The following MTUS2 variants were observed in gnomAD, a reference collection of about 807,000 sequenced individuals.
MTUS2 encodes microtubule-associated tumor suppressor candidate 2.
Under a neutral mutation model 114.1 loss-of-function variants are expected in MTUS2, and 40 were observed. The observed-to-expected ratio is 0.35, with a 90% CI of 0.27 to 0.46. MTUS2 has a LOEUF of 0.46. Ranked by LOEUF, MTUS2 falls within the 20% of genes least tolerant of loss-of-function variation. The pLI is 1.00. For synonymous variants in MTUS2, 688 were observed against 672.0 expected, an observed-to-expected ratio of 1.02 and a Z score of -0.37; for missense variants, 1,679 against 1,705.4, an observed-to-expected ratio of 0.98 and a Z score of 0.27.
chr13:28,887,005 G>A (rs61278186), intron 2 of MTUS2, among the ~76,000 whole-genome samples: 3,445 of 152,296 alleles, frequency 0.023, 128 homozygotes, highest in African/African-American at 0.077. Context: ...AAGGTACAGA[G>A]CTAGTGCAAG....
chr13:29,146,871 A>G (rs912483000), intron 5 of MTUS2, among the ~76,000 whole-genome samples: 1 of 152,218 alleles, frequency 6.6e-6, no homozygotes, highest in African/African-American at 2.4e-5. Flanking sequence ...AGTGCCTAGG[A>G]TGGCACAGGA....
chr13:29,015,879 C>CTT (rs199674457), intron 2 of MTUS2, among the ~76,000 whole-genome samples: 2 of 151,794 alleles, frequency 1.3e-5, no homozygotes, highest in African/African-American at 4.8e-5. Flanking sequence ...TTTACTTTTT[C>CTT]TTTTTTTTAT....
intron 8 of MTUS2, among the ~76,000 whole-genome samples, chr13:29,389,377 A>ATACACGTGTGTG (rs1872948708): frequency 6.7e-5 from 4 of 59,934 alleles, no homozygotes; most frequent in African/African-American, 2.6e-4. Context: ...GTGTGTGTAT[A>ATACACGTGTGTG]TATGTATACA....
chr13:29,212,361 C>T (rs1035566488), intron 5 of MTUS2, among the ~76,000 whole-genome samples: 1 of 152,042 alleles, frequency 6.6e-6, no homozygotes, highest in Non-Finnish European at 1.5e-5. Context: ...ACCTCTGACA[C>T]CACATGTGTG....
chr13:29,352,496 A>G (rs1428764106), intron 7 of MTUS2, among the ~76,000 whole-genome samples: 1 of 152,242 alleles, frequency 6.6e-6, no homozygotes, highest in African/African-American at 2.4e-5. Context: ...TTCACAAACC[A>G]TAAAATTTGC....
chr13:29,147,095 T>C (rs372539622), intron 5 of MTUS2, among the ~76,000 whole-genome samples: 4 of 152,322 alleles, frequency 2.6e-5, no homozygotes, highest in African/African-American at 9.6e-5. Context: ...CTATAAGTCA[T>C]GTCAAAGCCA....
chr13:29,331,733 A>G (rs1900788028), intron 7 of MTUS2, among the ~76,000 whole-genome samples: 1 of 152,208 alleles, frequency 6.6e-6, no homozygotes, highest in Non-Finnish European at 1.5e-5. Context: ...GATATGTTCC[A>G]TAAATACCTA....
At chr13:28,840,002 C>T in intron 2 of MTUS2, among the ~76,000 whole-genome samples, 152 bp downstream of exon 2, 1 of 147,096 alleles carries the variant, frequency 6.8e-6, no homozygotes, top group African/African-American at 2.5e-5. Flanking sequence ...TGAAAGAAGT[C>T]AATGAAAATA....
intron 8 of MTUS2, 59 bp from the exon 9 acceptor site, chr13:29,439,924 G>T (rs978360964): frequency 7.8e-7 from 1 of 1,274,688 alleles, no homozygotes. Flanking sequence ...TTAATCATGT[G>T]AAAGTGCTTA....
chr13:29,443,729 G>A (rs770182658), intron 9 of MTUS2, among the ~76,000 whole-genome samples: 4 of 152,204 alleles, frequency 2.6e-5, no homozygotes, highest in Non-Finnish European at 5.9e-5. Flanking sequence ...TCTCTTGATG[G>A]GAGAAGAGCA....
intron 2 of MTUS2, among the ~76,000 whole-genome samples, chr13:28,841,064 G>A (rs1021081768): frequency 1.6e-4 from 24 of 152,158 alleles, no homozygotes; most frequent in South Asian, 2.1e-4. Context: ...TCTCAAAGAC[G>A]ATTTAAACTT....
At chr13:28,910,159 C>A (rs1219774629) in intron 2 of MTUS2, among the ~76,000 whole-genome samples, 1 of 152,088 alleles carries the variant, frequency 6.6e-6, no homozygotes, top group East Asian at 1.9e-4. Flanking sequence ...TTAACCACTC[C>A]CATTTCCCTC....
chr13:28,892,163 G>T (rs1878971145), intron 2 of MTUS2, among the ~76,000 whole-genome samples: 1 of 152,142 alleles, frequency 6.6e-6, no homozygotes, highest in Admixed American at 6.5e-5. Context: ...CTCCTTGAGG[G>T]ATGGACTGTC....
At chr13:28,860,635 T>A (rs1442927365) in intron 2 of MTUS2, among the ~76,000 whole-genome samples, 1 of 152,210 alleles carries the variant, frequency 6.6e-6, no homozygotes, top group Non-Finnish European at 1.5e-5. Context: ...CCTGGATGTT[T>A]GGAGTCTGAC....
chr13:29,389,269 A>ATGTG (rs1566172082), intron 8 of MTUS2, among the ~76,000 whole-genome samples: 61 of 140,504 alleles, frequency 4.3e-4, no homozygotes, highest in East Asian at 1.6e-3. Flanking sequence ...ATGTGTGTAT[A>ATGTG]TATGTATATA....
In MTUS2 at chr13:29,082,144, C is replaced by T. The variant is rs9506092; in HGVS notation, c.2447-18629C>T. On this transcript the variant is annotated intron_variant, in intron 4 of 15. Transcript: ENST00000612955. ...AGTACAAGAAGAAACACTTGAGTTTCCTCTTCTGCTGTGTGAGGACACAGC... is the reference window on the plus strand; with the variant it reads ...AGTACAAGAAGAAACACTTGAGTTTTCTCTTCTGCTGTGTGAGGACACAGC... Among the ~76,000 whole-genome samples, 652 of 152,288 alleles carry T rather than the reference C, an allele frequency of 4.3e-3. 6 individuals carry two copies. The highest frequency in any genetic ancestry group is 6.6e-3 in the Non-Finnish European group (448 of 68,016).
chr13:29,467,657 A>G (rs1052668755), intron 9 of MTUS2, among the ~76,000 whole-genome samples: 4 of 152,186 alleles, frequency 2.6e-5, no homozygotes, highest in Non-Finnish European at 4.4e-5. Flanking sequence ...ACTCATAATT[A>G]TAACCATCCT....
intron 6 of MTUS2, among the ~76,000 whole-genome samples, chr13:29,313,415 A>G (rs1375175843): frequency 2.0e-5 from 3 of 152,242 alleles, no homozygotes; most frequent in Non-Finnish European, 2.9e-5. Context: ...GAAGCTAAAA[A>G]TGAAAAGAGG....
chr13:28,869,969 A>G (rs911281583), intron 2 of MTUS2, among the ~76,000 whole-genome samples: 18 of 152,140 alleles, frequency 1.2e-4, no homozygotes, highest in African/African-American at 4.3e-4. Context: ...ATTCTTTTAT[A>G]TGCATTTTCT....
Sources: gnomAD v4.1 joint callset for allele counts (sites outside exome capture counted in the v4.1 genomes callset) on GRCh38, gnomAD v4.1.1 for gene constraint, MANE v1.5 for transcripts, NCBI Gene and HGNC (gene_info 2026-07-23, HGNC 2026-07-21) for gene names.